ABCC5: variants seen among roughly 807,000 people sequenced by gnomAD.
ABCC5 encodes the protein ATP binding cassette subfamily C member 5, also known as ATP-binding cassette sub-family C member 5.
ABCC5 carries 61 observed loss-of-function variants against 160.9 expected under a neutral mutation model. The ratio of observed to expected loss-of-function variants is 0.38; its 90% confidence interval spans 0.31 to 0.47. ABCC5 has a LOEUF of 0.47. ABCC5 is among the 20% of genes least tolerant of loss of function. The probability of loss-of-function intolerance (pLI) is 0.99; values close to 1 mark genes in which losing one functional copy is unlikely to be tolerated. For missense variants in ABCC5, 1,308 were observed against 1,813.3 expected (o/e 0.72, Z 5.06); for synonymous variants, 666 against 700.6 (o/e 0.95, Z 0.78).
At chr3:184,014,103 C>T (rs1340440575) in intron 2 of ABCC5, among the ~76,000 whole-genome samples, 161 bp downstream of exon 2, 5 of 152,128 alleles carry the variant, frequency 3.3e-5, no homozygotes, top group Non-Finnish European at 7.3e-5. Flanking sequence ...GAACTCCTGA[C>T]CTCAGATGAT....
At chr3:183,953,817 C>T (rs1333819278) in intron 17 of ABCC5, among the ~76,000 whole-genome samples, 1 of 152,180 alleles carries the variant, frequency 6.6e-6, no homozygotes, top group Non-Finnish European at 1.5e-5. Context: ...AGTGATTCGG[C>T]ACAGCTGGAA....
intron 2 of ABCC5, among the ~76,000 whole-genome samples, chr3:184,013,499 C>T (rs1372864384): frequency 6.6e-6 from 1 of 152,100 alleles, no homozygotes; most frequent in Non-Finnish European, 1.5e-5. Context: ...AGTGACCCAC[C>T]CACCTCAACC....
chr3:183,984,064 G>GA (rs1718981182), intron 5 of ABCC5: 9 of 985,250 alleles, frequency 9.1e-6, no homozygotes, highest in Non-Finnish European at 9.6e-6. Context: ...GATTCTCTAG[G>GA]AAAAAAGACC....
chr3:183,948,925 A>AT (rs1715090257), intron 22 of ABCC5, among the ~76,000 whole-genome samples: 1 of 152,184 alleles, frequency 6.6e-6, no homozygotes, highest in Non-Finnish European at 1.5e-5. Flanking sequence ...GCTGGTCTCG[A>AT]ACTCCTGACC....
At chr3:183,960,364 T>C (rs1052250034) in intron 16 of ABCC5, among the ~76,000 whole-genome samples, 5 of 152,186 alleles carry the variant, frequency 3.3e-5, no homozygotes, top group Non-Finnish European at 4.4e-5. Context: ...CAATTTCCCA[T>C]TTCTCTACTT....
At chr3:184,006,300 G>GAAAAAAAAAAAAAAAAAAAA (rs34764294) in intron 2 of ABCC5, 1 of 114,636 alleles carries the variant, frequency 8.7e-6, no homozygotes. Context: ...AGGGAGAGAA[G>GAAAAAAAAAAAAAAAAAAAA]AAAAAAAAAA....
rs746667472 is a variant in ABCC5 at position 183,949,704 on chromosome 3, C to T, written c.3227+49G>A. Reference sequence around the variant, plus strand: ...GAGCCTCCCGGACAAGTATCAAACGCTGGGATGCTGACTCCCCTTTGAGGC... The same window carrying T: ...GAGCCTCCCGGACAAGTATCAAACGTTGGGATGCTGACTCCCCTTTGAGGC... On this transcript the variant is annotated intron_variant, in intron 22 of 29. Transcript: ENST00000334444. This position sits in a 1 kb window ranked among gnomAD's most constrained non-coding sequence, Gnocchi z 4.2. 8.1e-6 allele frequency: 13 copies of T among 1,602,948 alleles called. No individual in the cohort carries two copies. The South Asian group carries it at 1.3e-4, about 16-fold the overall frequency.
intron 17 of ABCC5, among the ~76,000 whole-genome samples, chr3:183,958,274 C>T (rs1716407670): frequency 6.6e-6 from 1 of 152,210 alleles, no homozygotes; most frequent in Admixed American, 6.5e-5. Flanking sequence ...TACTAATGAT[C>T]CTCTCACCCA....
intron 18 of ABCC5, among the ~76,000 whole-genome samples, chr3:183,952,574 C>A (rs1010502129): frequency 1.6e-4 from 25 of 152,096 alleles, no homozygotes; most frequent in Non-Finnish European, 1.9e-4. Flanking sequence ...GGGGTGGATT[C>A]CCCCATGCTA....
chr3:183,968,709 T>C (rs1717457530), intron 11 of ABCC5, among the ~76,000 whole-genome samples: 1 of 152,180 alleles, frequency 6.6e-6, no homozygotes, highest in Admixed American at 6.5e-5. Flanking sequence ...AAAGGGTCAC[T>C]TGTTTACAAC....
At chr3:183,990,145 G>A (rs1054082124) in intron 2 of ABCC5, among the ~76,000 whole-genome samples, 5 of 151,612 alleles carry the variant, frequency 3.3e-5, no homozygotes, top group Non-Finnish European at 5.9e-5. Flanking sequence ...GTCTCGCTCT[G>A]TTGCCCAGGC....
intron 26 of ABCC5, among the ~76,000 whole-genome samples, chr3:183,934,225 G>A (rs903987261): frequency 1.3e-5 from 2 of 152,186 alleles, no homozygotes; most frequent in African/African-American, 4.8e-5. Context: ...CAAATCACTT[G>A]AACCCAGGAG....
chr3:184,010,156 G>C (rs943407373), intron 2 of ABCC5, among the ~76,000 whole-genome samples: 3 of 150,458 alleles, frequency 2.0e-5, no homozygotes, highest in Non-Finnish European at 4.4e-5. Context: ...GGCACCTGCT[G>C]TTTAGGAGGC....
intron 27 of ABCC5, 88 bp from the exon 28 acceptor site, chr3:183,927,531 A>G: frequency 6.6e-7 from 1 of 1,509,998 alleles, no homozygotes; most frequent in Non-Finnish European, 8.9e-7. Context: ...TGATTCTGAA[A>G]GCGATGAAAG....
chr3:183,956,136 G>A lies in ABCC5; in HGVS notation c.2483-2866C>T, dbSNP rs367727836. Among the ~76,000 whole-genome samples, 255 of 103,976 alleles carry A rather than the reference G, an allele frequency of 2.5e-3. 11 individuals are homozygous for A. The highest frequency in any genetic ancestry group is 8.0e-3 in the African/African-American group (240 of 30,036). The allele number at this position is 103,976 out of a possible 152,430, so 68.2% of individuals were successfully genotyped here. On this transcript the variant is annotated intron_variant, in intron 17 of 29. Coordinates refer to ENST00000334444, the MANE Select transcript of ABCC5 (RefSeq NM_005688.4). The stretch of plus-strand genomic sequence containing the variant: ...TGCAGCTCCGTGTGTATATCACATC[G>A]GTTACATGCAGATCCGTGTGTAAAT...
At chr3:183,922,758 A>C (rs1712130067) in intron 29 of ABCC5, among the ~76,000 whole-genome samples, 1 of 152,002 alleles carries the variant, frequency 6.6e-6, no homozygotes, top group African/African-American at 2.4e-5. Context: ...TGTAAGAGGA[A>C]GTCTCCTTGG....
At position 183,942,728 on chromosome 3, in the gene ABCC5, T is replaced by C; in HGVS notation, c.3693A>G (p.Ser1231=). 1.9e-6 allele frequency: 3 copies of C among 1,613,574 alleles called. No individual in the cohort carries two copies. The highest frequency in any genetic ancestry group is 2.5e-6 in the Non-Finnish European group (3 of 1,179,570). ...AAAGAAGGCTTTGCACATCCTTACC[T>C]GATCCTGTCCGCCCCACAATGCCAA... is the stretch of plus-strand genomic sequence containing the variant. The part of the protein sequence containing the change: ...EKIGIVGRTG[S]GKSSLGMALF... Residue 1231 remains serine (S), a splice_region_variant and synonymous_variant, in exon 25 of 30, where the codon TCA becomes TCG. Coordinates refer to ENST00000334444, the MANE Select transcript of ABCC5 (RefSeq NM_005688.4).
At position 183,925,637 on chromosome 3, in the gene ABCC5, G is replaced by C. The variant is rs758496491; in HGVS notation, c.4130C>G (p.Ala1377Gly). ...GGCAATGGTCAGCATGGTACAGTCT[G>C]CAAATGCTTCTCGGATGGTCTCTTG... ...LIQETIREAF[A>G]DCTMLTIAHR... Residue 1377 changes from alanine to glycine, a missense_variant, in exon 29 of 30, where the codon GCA (alanine) becomes GGA (glycine). By Grantham distance (60) the Ala-to-Gly change is moderately conservative. Around this residue, in one of 3 missense-constraint regions of ABCC5, gnomAD observed 163 missense variants for 269.7 expected, o/e 0.60. Coordinates refer to ENST00000334444, the MANE Select transcript of ABCC5 (RefSeq NM_005688.4). 6 of 1,613,966 alleles carry C rather than the reference G, an allele frequency of 3.7e-6. No homozygotes were observed. The highest frequency in any genetic ancestry group is 1.6e-4 in the Middle Eastern group (1 of 6,084).
chr3:183,956,660 A>G (rs76345559), intron 17 of ABCC5, among the ~76,000 whole-genome samples: 2 of 131,326 alleles, frequency 1.5e-5, no homozygotes, highest in African/African-American at 3.0e-5. Context: ...TTACATGCAG[A>G]TCCGTGTGTA....
Sources: allele counts gnomAD v4.1 joint callset (sites outside exome capture counted in the v4.1 genomes callset), GRCh38; gene constraint gnomAD v4.1.1; regional missense constraint gnomAD v4.1.1; non-coding constraint Gnocchi (gnomAD v3.1); transcripts MANE v1.5; gene names NCBI Gene and HGNC (gene_info 2026-07-23, HGNC 2026-07-21).